CABP1: variants seen among roughly 807,000 people sequenced by gnomAD.
The protein encoded by CABP1 is calcium-binding protein 1.
A neutral mutation model predicts 34.3 loss-of-function variants in CABP1; 17 were observed. That is an observed-to-expected ratio of 0.50 (90% CI 0.34 to 0.74). The LOEUF is 0.74. Ranked by LOEUF, CABP1 falls within the 30% of genes least tolerant of loss-of-function variation. CABP1 has a pLI of 0.01. For missense variants in CABP1, 373 were observed against 511.1 expected, an observed-to-expected ratio of 0.73 and a Z score of 2.61; for synonymous variants, 198 against 229.2, an observed-to-expected ratio of 0.86 and a Z score of 1.23.
At position 120,662,721 on chromosome 12, in the gene CABP1, G is replaced by C. The variant is rs11065195; in HGVS notation, c.1087+1503G>C. ...TTTTTTGAGACAAAGTCTCGCTCTT[G>C]TACTCCAGGCTGGAGTGCAATGGCA... On this transcript the variant is annotated intron_variant, in intron 5 of 5. Coordinates refer to ENST00000316803, the MANE Select transcript of CABP1 (RefSeq NM_001033677.2). Among the ~76,000 whole-genome samples, 2,926 of 133,820 alleles carry C rather than the reference G, an allele frequency of 0.022. 195 individuals are homozygous for C. The East Asian group carries it at 0.27, about 12-fold the overall frequency. The allele number at this position is 133,820 out of a possible 152,430, so 87.8% of individuals were successfully genotyped here. A position where few individuals can be genotyped will look rare whatever the true frequency, so the allele number is the denominator to read the frequency against.
chr12:120,670,576 C>T (rs568504519), downstream of CABP1, among the ~76,000 whole-genome samples: 81 of 152,130 alleles, frequency 5.3e-4, no homozygotes, highest in African/African-American at 1.8e-3. Context: ...GGTGAAACTC[C>T]GTCTCTACTA....
At chr12:120,678,011 G>C in the CABP1 span, among the ~76,000 whole-genome samples, 1 of 152,184 alleles carries the variant, frequency 6.6e-6, no homozygotes, top group Non-Finnish European at 1.5e-5. Context: ...GCCAGGACCA[G>C]CAGACACGGT....
Position 120,641,054 on chromosome 12 carries a change from G to A in CABP1, c.369G>A (p.Arg123=). 2.5e-6 allele frequency: 3 copies of A among 1,183,566 alleles called. No homozygotes were observed. The highest frequency in any genetic ancestry group is 3.1e-6 in the Non-Finnish European group (3 of 956,998). 73.3% of individuals were successfully genotyped at this position (1,183,566 alleles called of 1,614,324 possible). A position where few individuals can be genotyped will look rare whatever the true frequency, so the allele number is the denominator to read the frequency against. The change falls in exon 1 of 6, where the codon CGG becomes CGA. Residue 123 remains arginine, a synonymous_variant. Transcript: ENST00000316803. The surrounding 1 kb of genome is among the most constrained non-coding windows in gnomAD (Gnocchi z 6.7). The part of the protein sequence containing the change: ...GDPSSRRPLC[R]PAPREEGARG... The stretch of plus-strand genomic sequence containing the variant: ...CCAGTTCGCGGAGGCCCCTGTGCCG[G>A]CCGGCGCCGCGAGAGGAGGGCGCGC...
chr12:120,656,287 C>T (rs1362659891), intron 1 of CABP1: 3 of 1,527,196 alleles, frequency 2.0e-6, no homozygotes, highest in Admixed American at 2.0e-5. Flanking sequence ...GTAAGTTGGC[C>T]CAGTGGAGCC....
chr12:120,669,993 G>GTT (rs56720965), downstream of CABP1, among the ~76,000 whole-genome samples: 1 of 150,508 alleles, frequency 6.6e-6, no homozygotes, highest in Non-Finnish European at 1.5e-5. Flanking sequence ...GCCAGGAAAC[G>GTT]TTTTTTTTTC....
Position 120,641,258 on chromosome 12 carries a change from G to C in CABP1, c.573G>C (p.Gly191=). 1.5e-6 allele frequency: 2 copies of C among 1,297,360 alleles called. No individual in the cohort carries two copies. The highest frequency in any genetic ancestry group is 3.1e-5 in the African/African-American group (2 of 64,910). The allele number at this position is 1,297,360 out of a possible 1,614,324, so 80.4% of individuals were successfully genotyped here. A position where few individuals can be genotyped will look rare whatever the true frequency, so the allele number is the denominator to read the frequency against. ...GCTCTCTGCGAGCCCGGGGCCGCGG[G>C]GACTCCGTTCCAGCCGCCGCGTCCG... is the stretch of plus-strand genomic sequence containing the variant. The part of the protein sequence containing the change: ...LRGSLRARGR[G]DSVPAAASEA... The change falls in exon 1 of 6, where the codon GGG becomes GGC. Residue 191 remains glycine (G), a synonymous_variant. Transcript: ENST00000316803. This position sits in a 1 kb window ranked among gnomAD's most constrained non-coding sequence, Gnocchi z 6.7.
chr12:120,643,971 AT>A (rs1879445553), intron 1 of CABP1, among the ~76,000 whole-genome samples: 1 of 152,228 alleles, frequency 6.6e-6, no homozygotes, highest in African/African-American at 2.4e-5. Context: ...ACAAAGATGA[AT>A]TCCTACCTTA....
At chr12:120,662,079 T>C (rs12310160) in intron 5 of CABP1, 23,808 of 152,346 alleles carry the variant, frequency 0.16, 1,982 homozygotes, top group East Asian at 0.25. Flanking sequence ...TATATCCATC[T>C]ACTCATCCAT....
intron 1 of CABP1, among the ~76,000 whole-genome samples, chr12:120,646,837 C>A (rs937942200): frequency 6.6e-6 from 1 of 152,196 alleles, no homozygotes; most frequent in African/African-American, 2.4e-5. Context: ...AAATTTCCTA[C>A]TGAAGGCTGA....
chr12:120,650,947 A>G (rs503667), intron 1 of CABP1, among the ~76,000 whole-genome samples: 104,884 of 151,920 alleles, frequency 0.69, 36,289 homozygotes, highest in South Asian at 0.75. Context: ...TGGGGTTTCT[A>G]GGATGTAAAA....
the CABP1 span, among the ~76,000 whole-genome samples, chr12:120,674,803 A>C: frequency 6.6e-6 from 1 of 151,676 alleles, no homozygotes; most frequent in East Asian, 2.0e-4. Flanking sequence ...AGGCAGGAGA[A>C]TCGCTTGAAC....
Position 120,660,224 on chromosome 12 carries a change from C to A in CABP1, c.714C>A (p.Asp238Glu). Residue 238 changes from aspartate to glutamate, a missense_variant, in exon 3 of 6, where the codon GAC becomes GAA. Physicochemically the swap from Asp to Glu is conservative, Grantham distance 45 (BLOSUM62 2). Transcript: ENST00000316803. The surrounding 1 kb of genome is among the most constrained non-coding windows in gnomAD (Gnocchi z 5.0). ...TCCGAGAGGCCTTCAGAGAATTCGA[C>A]AAGGACAAGGATGGCTACATCAACT... Reference protein sequence around the residue: ...EELREAFREFDKDKDGYINCR... With the variant: ...EELREAFREFEKDKDGYINCR... 1 of 1,614,164 alleles carries A rather than the reference C, an allele frequency of 6.2e-7. No homozygotes were observed. The highest frequency in any genetic ancestry group is 8.5e-7 in the Non-Finnish European group (1 of 1,180,024).
intron 1 of CABP1, chr12:120,650,454 A>T: frequency 7.0e-7 from 1 of 1,432,782 alleles, no homozygotes; most frequent in Non-Finnish European, 9.1e-7. Context: ...AAAATCGGAG[A>T]GCAGGAGCAG....
At chr12:120,678,937 G>C in the CABP1 span, among the ~76,000 whole-genome samples, 3 of 151,906 alleles carry the variant, frequency 2.0e-5, no homozygotes, top group African/African-American at 7.3e-5. Context: ...GCCAGGCGTG[G>C]TGGTGTATGC....
intron 1 of CABP1, among the ~76,000 whole-genome samples, chr12:120,649,167 G>A (rs76843147): frequency 0.011 from 1,738 of 152,224 alleles, 48 homozygotes; most frequent in African/African-American, 0.039. Flanking sequence ...GGAGGTCCAG[G>A]AGTTATCCAG....
chr12:120,663,788 A>G (rs780846543), intron 5 of CABP1, among the ~76,000 whole-genome samples: 13 of 152,204 alleles, frequency 8.5e-5, no homozygotes, highest in Non-Finnish European at 1.5e-4. Context: ...TTGCCTGCCT[A>G]CTAAGAGGCA....
chr12:120,653,531 G>A (rs1565996911), intron 1 of CABP1, among the ~76,000 whole-genome samples: 2 of 152,158 alleles, frequency 1.3e-5, no homozygotes, highest in East Asian at 3.9e-4. Flanking sequence ...GTTTTGTTTT[G>A]TTTTTTGTTT....
intron 1 of CABP1, among the ~76,000 whole-genome samples, chr12:120,649,722 C>T (rs1382982852): frequency 6.6e-6 from 1 of 152,142 alleles, no homozygotes; most frequent in Non-Finnish European, 1.5e-5. Flanking sequence ...TCCTGGTTTC[C>T]TTCGGGTCAG....
At chr12:120,668,615 G>C (rs1351903997), downstream of CABP1, among the ~76,000 whole-genome samples, 2 of 152,224 alleles carry the variant, frequency 1.3e-5, no homozygotes, top group African/African-American at 4.8e-5. Context: ...GGATGATAAA[G>C]GATGGGGTCA....
Sources: allele counts gnomAD v4.1 joint callset (sites outside exome capture counted in the v4.1 genomes callset), GRCh38; gene constraint gnomAD v4.1.1; non-coding constraint Gnocchi (gnomAD v3.1); transcripts MANE v1.5; gene names NCBI Gene and HGNC (gene_info 2026-07-23, HGNC 2026-07-21).